NEMP2: variants seen among roughly 807,000 people sequenced by gnomAD.
The protein encoded by NEMP2 is UPF0571 transmembrane protein.
NEMP2 carries 53 observed loss-of-function variants against 54.2 expected under a neutral mutation model. The ratio of observed to expected loss-of-function variants is 0.98; its 90% CI spans 0.78 to 1.23. The LOEUF is 1.23. Among genes scored for constraint, NEMP2 ranks in the 50% most tolerant of loss-of-function variants. The probability of loss-of-function intolerance (pLI) is 0.00; values close to 1 mark genes in which losing one functional copy is unlikely to be tolerated. For synonymous variants in NEMP2, 197 were observed against 190.3 expected, an observed-to-expected ratio of 1.04 and a Z score of -0.29; for missense variants, 455 against 511.3, an observed-to-expected ratio of 0.89 and a Z score of 1.06.
At chr2:190,594,608 C>A in the NEMP2 span, among the ~76,000 whole-genome samples, 1 of 152,118 alleles carries the variant, frequency 6.6e-6, no homozygotes, top group Admixed American at 6.5e-5. The surrounding 1 kb of genome is among the most constrained non-coding windows in gnomAD (Gnocchi z 5.6). Context: ...TAGTATCTTT[C>A]TCTATTGCTC....
At chr2:190,450,799 G>C in the NEMP2 span, among the ~76,000 whole-genome samples, 30 of 152,028 alleles carry the variant, frequency 2.0e-4, no homozygotes, top group Admixed American at 1.3e-4. Context: ...CAGCCACTGA[G>C]TTTTTCTTTC....
the NEMP2 span, among the ~76,000 whole-genome samples, chr2:190,593,648 A>T: frequency 6.6e-6 from 1 of 152,210 alleles, no homozygotes; most frequent in Non-Finnish European, 1.5e-5. The surrounding 1 kb of genome is among the most constrained non-coding windows in gnomAD (Gnocchi z 4.5). Flanking sequence ...GTTCTAGTAC[A>T]AAAGTCAGGA....
the NEMP2 span, among the ~76,000 whole-genome samples, chr2:190,560,719 GTTGT>G: frequency 6.6e-6 from 1 of 152,156 alleles, no homozygotes; most frequent in Non-Finnish European, 1.5e-5. This position sits in a 1 kb window ranked among gnomAD's most constrained non-coding sequence, Gnocchi z 5.4. Context: ...TAATTAGTCT[GTTGT>G]TTGAAGTGCC....
At chr2:190,497,933 G>A in the NEMP2 span, 2 of 447,994 alleles carry the variant, frequency 4.5e-6, no homozygotes, top group Non-Finnish European at 7.8e-6. This position sits in a 1 kb window ranked among gnomAD's most constrained non-coding sequence, Gnocchi z 5.2. Context: ...ATGGAGTTCA[G>A]GAAAACTTCA....
At chr2:190,426,513 G>A in the NEMP2 span, among the ~76,000 whole-genome samples, 3 of 152,092 alleles carry the variant, frequency 2.0e-5, no homozygotes, top group African/African-American at 7.2e-5. The surrounding 1 kb of genome is among the most constrained non-coding windows in gnomAD (Gnocchi z 4.7). Flanking sequence ...GGGGTACAAT[G>A]CATGTTTGTT....
the NEMP2 span, among the ~76,000 whole-genome samples, chr2:190,584,476 T>G: frequency 6.6e-6 from 1 of 152,178 alleles, no homozygotes; most frequent in Non-Finnish European, 1.5e-5. The surrounding 1 kb of genome is among the most constrained non-coding windows in gnomAD (Gnocchi z 4.2). Context: ...TTCATCATGA[T>G]AGCTCCAAGT....
At chr2:190,451,623 G>T in the NEMP2 span, among the ~76,000 whole-genome samples, 1 of 152,214 alleles carries the variant, frequency 6.6e-6, no homozygotes. This position sits in a 1 kb window ranked among gnomAD's most constrained non-coding sequence, Gnocchi z 5.0. Flanking sequence ...AGAAGCAATT[G>T]TTTCAGCTCG....
the NEMP2 span, among the ~76,000 whole-genome samples, chr2:190,546,216 A>T: frequency 0.17 from 26,273 of 150,736 alleles, 2,376 homozygotes; most frequent in Middle Eastern, 0.22. The surrounding 1 kb of genome is among the most constrained non-coding windows in gnomAD (Gnocchi z 5.1). Flanking sequence ...CAGACAGAAA[A>T]TTTTTTTTTT....
rs1029730795 is a variant in NEMP2, at chr2:190,534,100, A to C, written c.97+459T>G. The C allele has an allele frequency of 4.2e-5, 41 of 986,880 alleles. No homozygotes were observed. The South Asian group carries it at 1.2e-3, about 28-fold the overall frequency. The allele number at this position is 986,880 out of a possible 1,614,324, so 61.1% of individuals were successfully genotyped here. On this transcript the variant is annotated intron_variant, in intron 1 of 8. Coordinates refer to ENST00000409150, the MANE Select transcript of NEMP2 (RefSeq NM_001142645.2). ...ATTTTCGCTCCGATTCTGAAGCTGA[A>C]GCTGTTACCTTCTCTAGTCTTGAGA...
the NEMP2 span, among the ~76,000 whole-genome samples, chr2:190,465,392 G>A: frequency 6.6e-6 from 1 of 151,718 alleles, no homozygotes; most frequent in Non-Finnish European, 1.5e-5. The surrounding 1 kb of genome is among the most constrained non-coding windows in gnomAD (Gnocchi z 4.6). Context: ...ATCATTATAG[G>A]TGTTCAGTAG....
chr2:190,628,610 C>T, the NEMP2 span: 5 of 152,286 alleles, frequency 3.3e-5, no homozygotes, highest in Non-Finnish European at 7.3e-5. This position sits in a 1 kb window ranked among gnomAD's most constrained non-coding sequence, Gnocchi z 4.1. Context: ...CAGAAATGCT[C>T]ATCTCTCTCC....
rs1182588870 is a variant in NEMP2 at position 190,514,134 on chromosome 2, A to G, written c.953+319T>C. Among the ~76,000 whole-genome samples, 1 of 152,248 alleles carries G rather than the reference A, an allele frequency of 6.6e-6. No individual in the cohort carries two copies. The highest frequency in any genetic ancestry group is 2.4e-5 in the African/African-American group (1 of 41,464). ...ACTAAAGCAGTCTTTGACTCTAATT[A>G]AAGAAAATGTTGAATAAAAGAAGAT... On this transcript the variant is annotated intron_variant, in intron 7 of 8. Transcript: ENST00000409150. This position sits in a 1 kb window ranked among gnomAD's most constrained non-coding sequence, Gnocchi z 5.7.
At chr2:190,451,492 G>A in the NEMP2 span, among the ~76,000 whole-genome samples, 3 of 152,216 alleles carry the variant, frequency 2.0e-5, no homozygotes, top group Admixed American at 1.3e-4. This position sits in a 1 kb window ranked among gnomAD's most constrained non-coding sequence, Gnocchi z 5.0. Flanking sequence ...GTCAGTCCTC[G>A]TGGGACTCAC....
the NEMP2 span, among the ~76,000 whole-genome samples, chr2:190,471,197 A>G: frequency 6.6e-6 from 1 of 152,146 alleles, no homozygotes; most frequent in Non-Finnish European, 1.5e-5. The surrounding 1 kb of genome is among the most constrained non-coding windows in gnomAD (Gnocchi z 4.7). Flanking sequence ...TGCATTTCCA[A>G]CTGAGGTACC....
chr2:190,648,767 T>A, the NEMP2 span: 3 of 150,406 alleles, frequency 2.0e-5, no homozygotes, highest in African/African-American at 7.3e-5. Flanking sequence ...GCCCACTTGG[T>A]TCCTCCCAGC....
At position 190,519,223 on chromosome 2, in the gene NEMP2, T is replaced by A; in HGVS notation, c.214-40A>T. 1 of 1,396,940 alleles carries A rather than the reference T, an allele frequency of 7.2e-7. No individual in the cohort carries two copies. 86.5% of individuals were successfully genotyped at this position (1,396,940 alleles called of 1,614,324 possible). On this transcript the variant is annotated intron_variant, in intron 2 of 8. Coordinates refer to ENST00000409150, the MANE Select transcript of NEMP2 (RefSeq NM_001142645.2). The surrounding 1 kb of genome is among the most constrained non-coding windows in gnomAD (Gnocchi z 5.4). ...CAAGCAAATCCATAAACAGAATAAC[T>A]TCTCTTTTTTGTTTTGGAGACAGGG... is the stretch of plus-strand genomic sequence containing the variant.
Position 190,516,399 on chromosome 2 carries a change from A to C in NEMP2, c.613-15T>G. The stretch of plus-strand genomic sequence containing the variant: ...AAGGTGCTATACTGTGTGTGGAAGA[A>C]AATAAATGACACATTTTTTGGTTCA... On this transcript the variant is annotated splice_polypyrimidine_tract_variant and intron_variant, in intron 5 of 8. Transcript: ENST00000409150. 6.6e-7 allele frequency: 1 copy of C among 1,520,256 alleles called. No individual in the cohort carries two copies. Among genetic ancestry groups the C allele is most frequent in the Non-Finnish European group, 8.8e-7 (1 of 1,131,892 alleles). The allele number at this position is 1,520,256 out of a possible 1,614,324, so 94.2% of individuals were successfully genotyped here.
At chr2:190,571,335 G>A in the NEMP2 span, among the ~76,000 whole-genome samples, 1 of 152,160 alleles carries the variant, frequency 6.6e-6, no homozygotes, top group Non-Finnish European at 1.5e-5. Flanking sequence ...CTGAGGTCAG[G>A]AGTTTGAGAC....
chr2:190,509,450 G>C lies in NEMP2; in HGVS notation c.1131-138C>G. The C allele has an allele frequency of 1.1e-6, 1 of 932,794 alleles. No homozygotes were observed. Among genetic ancestry groups the C allele is most frequent in the South Asian group, 1.6e-5 (1 of 64,036 alleles). The allele number at this position is 932,794 out of a possible 1,614,324, so 57.8% of individuals were successfully genotyped here. ...ATACAGGGTGGCATTTACACAGTGG[G>C]TGTAAAAATGGGAATGGCTTATGTG... On this transcript the variant is annotated intron_variant, in intron 8 of 8. Transcript: ENST00000409150. The surrounding 1 kb of genome is among the most constrained non-coding windows in gnomAD (Gnocchi z 6.1).
Sources: gnomAD v4.1 joint callset for allele counts (sites outside exome capture counted in the v4.1 genomes callset) on GRCh38, gnomAD v4.1.1 for gene constraint, Gnocchi (gnomAD v3.1) non-coding constraint, MANE v1.5 for transcripts, NCBI Gene and HGNC (gene_info 2026-07-23, HGNC 2026-07-21) for gene names.